The following SLC2A13 variants were observed in gnomAD, a reference collection of about 807,000 sequenced individuals.
The protein encoded by SLC2A13 is solute carrier family 2 member 13.
Under a neutral mutation model 64.4 loss-of-function variants are expected in SLC2A13, and 32 were observed. The observed-to-expected ratio is 0.50, with a 90% CI of 0.37 to 0.67. The LOEUF is 0.67. Among genes scored for constraint, SLC2A13 ranks in the 30% least tolerant of loss-of-function variants. The pLI is 0.00. For synonymous variants in SLC2A13, 338 were observed against 327.1 expected, an observed-to-expected ratio of 1.03 and a Z score of -0.36; for missense variants, 743 against 829.2, an observed-to-expected ratio of 0.90 and a Z score of 1.28.
rs1238520813 is a variant in SLC2A13, at chr12:39,799,530, G to C, written c.1445+30573C>G. ...AGCTTCATTTCCCTTAGAACTGGCA[G>C]AGTAGAGTAAATCAAATAAAGTAAA... On this transcript the variant is annotated intron_variant, in intron 7 of 9. Transcript: ENST00000280871. Among the ~76,000 whole-genome samples the C allele has an allele frequency of 2.0e-5, 3 of 151,966 alleles. No individual in the cohort carries two copies. The East Asian group carries it at 5.8e-4, about 29-fold the overall frequency.
chr12:39,882,275 G>T (rs1250056888), intron 4 of SLC2A13, among the ~76,000 whole-genome samples: 2 of 152,112 alleles, frequency 1.3e-5, no homozygotes, highest in African/African-American at 4.8e-5. Flanking sequence ...CAGAATTTCT[G>T]ATTCAGTAGG....
chr12:40,051,893 G>A (rs978715218), intron 1 of SLC2A13, among the ~76,000 whole-genome samples: 1 of 152,190 alleles, frequency 6.6e-6, no homozygotes, highest in African/African-American at 2.4e-5. Context: ...CAATGATCAG[G>A]ATCAACTAGA....
intron 3 of SLC2A13, among the ~76,000 whole-genome samples, chr12:39,958,827 G>C (rs1421347366): frequency 6.6e-6 from 1 of 151,904 alleles, no homozygotes; most frequent in Non-Finnish European, 1.5e-5. Context: ...AATTCTGAAG[G>C]ACTGGACCAG....
chr12:39,936,950 T>C (rs1371952659), intron 4 of SLC2A13, among the ~76,000 whole-genome samples: 2 of 152,156 alleles, frequency 1.3e-5, no homozygotes, highest in Non-Finnish European at 2.9e-5. Flanking sequence ...TAGATGGTCA[T>C]TGGCCTAATG....
chr12:39,835,967 TTTGA>T (rs1942992721), intron 6 of SLC2A13, among the ~76,000 whole-genome samples: 1 of 152,080 alleles, frequency 6.6e-6, no homozygotes, highest in East Asian at 1.9e-4. Context: ...GCCACAAATA[TTTGA>T]TTAACACCCA....
chr12:40,053,910 C>T (rs1046148839), intron 1 of SLC2A13, among the ~76,000 whole-genome samples: 9 of 152,164 alleles, frequency 5.9e-5, no homozygotes, highest in Non-Finnish European at 1.0e-4. Context: ...AAACCTTGAA[C>T]ATGAAGGCTT....
At chr12:39,975,520 T>C (rs995587101) in intron 3 of SLC2A13, among the ~76,000 whole-genome samples, 6 of 152,232 alleles carry the variant, frequency 3.9e-5, no homozygotes, top group Admixed American at 3.3e-4. Flanking sequence ...AGACATTTTC[T>C]AAATTTCTCC....
chr12:39,769,737 T>G (rs1940493864), intron 7 of SLC2A13, among the ~76,000 whole-genome samples: 1 of 151,846 alleles, frequency 6.6e-6, no homozygotes, highest in Admixed American at 6.6e-5. Context: ...ATACACAAGA[T>G]CTCTCTTACT....
At position 39,864,764 on chromosome 12, in the gene SLC2A13, G is replaced by A; in HGVS notation, c.1317C>T (p.Tyr439=). 6.2e-7 allele frequency: 1 copy of A among 1,613,808 alleles called. No homozygotes were observed. The highest frequency in any genetic ancestry group is 2.2e-5 in the East Asian group (1 of 44,858). Residue 439 remains tyrosine (Y), a splice_region_variant and synonymous_variant, in exon 6 of 10, where the codon TAC becomes TAT. Transcript: ENST00000280871. ...PSGQNATCTR[Y]SYCNECMLDP... ...AGAAGAACATAATGGAATCTCACCTGTATCTTGTGCAAGTGGCGTTCTGAC... is the reference window on the plus strand; with the variant it reads ...AGAAGAACATAATGGAATCTCACCTATATCTTGTGCAAGTGGCGTTCTGAC...
chr12:40,044,802 A>G (rs1417963806), intron 2 of SLC2A13, among the ~76,000 whole-genome samples: 2 of 152,228 alleles, frequency 1.3e-5, no homozygotes, highest in African/African-American at 4.8e-5. Context: ...TTTTCTGTCA[A>G]TCGATTTCAT....
chr12:39,982,683 C>T (rs1292120749), intron 3 of SLC2A13, among the ~76,000 whole-genome samples: 1 of 148,034 alleles, frequency 6.8e-6, no homozygotes, highest in Non-Finnish European at 1.5e-5. Flanking sequence ...AAAGAGGATA[C>T]AAACAAATGG....
At chr12:39,943,616 A>G (rs4768202) in intron 4 of SLC2A13, among the ~76,000 whole-genome samples, 131,662 of 152,200 alleles carry the variant, frequency 0.87, 57,027 homozygotes, top group East Asian at 1. Flanking sequence ...CAGCAAGCTC[A>G]AGTATCCCAG....
chr12:39,925,764 T>C (rs578211242), intron 4 of SLC2A13, among the ~76,000 whole-genome samples: 1 of 152,318 alleles, frequency 6.6e-6, no homozygotes, highest in East Asian at 1.9e-4. Flanking sequence ...TTTATTTTCA[T>C]TTGGTATTTT....
At position 40,105,809 on chromosome 12, in the gene SLC2A13, AG is replaced by A; in HGVS notation, c.-2del. 15 of 1,467,140 alleles carry A rather than the reference AG, an allele frequency of 1.0e-5. No homozygotes were observed. Among genetic ancestry groups the A allele is most frequent in the Non-Finnish European group, 1.4e-5 (15 of 1,108,462 alleles). 90.9% of individuals were successfully genotyped at this position (1,467,140 alleles called of 1,614,324 possible). A position where few individuals can be genotyped will look rare whatever the true frequency, so the allele number is the denominator to read the frequency against. On this transcript the variant is annotated 5_prime_UTR_variant, in exon 1 of 10. Transcript: ENST00000280871. This position sits in a 1 kb window ranked among gnomAD's most constrained non-coding sequence, Gnocchi z 4.2. ...CATTCTCGCTTGCCTTGCGGGACATAGGGCAGGGGCCCGGGGCTGCCCGGGG... is the reference window on the plus strand; with the variant it reads ...CATTCTCGCTTGCCTTGCGGGACATAGGCAGGGGCCCGGGGCTGCCCGGGG...
chr12:39,890,709 C>T (rs1375728526), intron 4 of SLC2A13, among the ~76,000 whole-genome samples: 1 of 151,978 alleles, frequency 6.6e-6, no homozygotes, highest in Non-Finnish European at 1.5e-5. Flanking sequence ...ACAGTTATTA[C>T]ATATCAATTA....
intron 3 of SLC2A13, among the ~76,000 whole-genome samples, chr12:40,001,718 A>G (rs1947324094): frequency 6.6e-6 from 1 of 152,232 alleles, no homozygotes; most frequent in African/African-American, 2.4e-5. Context: ...TTCACTTAGC[A>G]CCACTGGGAT....
chr12:39,988,683 G>A (rs1167404526), intron 3 of SLC2A13, among the ~76,000 whole-genome samples: 1 of 95,684 alleles, frequency 1.0e-5, no homozygotes, highest in Admixed American at 1.1e-4. Flanking sequence ...GGGAAGAAGG[G>A]AGGGAGGGAG....
chr12:39,880,506 A>G (rs1049160531), intron 4 of SLC2A13, among the ~76,000 whole-genome samples: 1 of 152,240 alleles, frequency 6.6e-6, no homozygotes, highest in African/African-American at 2.4e-5. Context: ...ATTTGAGCTA[A>G]CATACTAGTC....
At chr12:39,966,138 T>G (rs790868) in intron 3 of SLC2A13, among the ~76,000 whole-genome samples, 21,371 of 148,588 alleles carry the variant, frequency 0.14, 1,737 homozygotes, top group South Asian at 0.23. Context: ...TATATATATA[T>G]AGAGAGAGAG....
Sources: allele counts gnomAD v4.1 joint callset (sites outside exome capture counted in the v4.1 genomes callset), GRCh38; gene constraint gnomAD v4.1.1; non-coding constraint Gnocchi (gnomAD v3.1); transcripts MANE v1.5; gene names NCBI Gene and HGNC (gene_info 2026-07-23, HGNC 2026-07-21).